NIBAN1: variants seen among roughly 807,000 people sequenced by gnomAD.
NIBAN1 encodes the protein protein Niban 1.
In NIBAN1, 81 loss-of-function variants were observed where a neutral mutation model predicts 75.1. The ratio of observed to expected loss-of-function variants is 1.08; its 90% CI spans 0.90 to 1.30. The LOEUF (loss-of-function observed/expected upper bound fraction) is 1.30. Ranked by LOEUF, NIBAN1 falls within the 50% of genes most tolerant of loss-of-function variation. The probability of loss-of-function intolerance (pLI) is 0.00; values close to 1 mark genes in which losing one functional copy is unlikely to be tolerated. For synonymous variants in NIBAN1, 436 were observed against 424.8 expected (o/e 1.03, Z -0.32); for missense variants, 1,133 against 1,128.1 (o/e 1.00, Z -0.06).
intron 5 of NIBAN1, among the ~76,000 whole-genome samples, chr1:184,843,827 A>T (rs934271318): frequency 3.3e-5 from 5 of 152,188 alleles, no homozygotes; most frequent in Non-Finnish European, 5.9e-5. Context: ...AAAAATGTGA[A>T]TTTGAAAAAG....
intron 5 of NIBAN1, among the ~76,000 whole-genome samples, chr1:184,874,318 G>A (rs989341078): frequency 6.6e-6 from 1 of 151,758 alleles, no homozygotes; most frequent in Non-Finnish European, 1.5e-5. Context: ...ACAAAAATAT[G>A]AGTAATTATA....
At chr1:184,869,696 C>T (rs893123307) in intron 5 of NIBAN1, among the ~76,000 whole-genome samples, 1 of 152,078 alleles carries the variant, frequency 6.6e-6, no homozygotes, top group Non-Finnish European at 1.5e-5. Flanking sequence ...TGTGCGCCAC[C>T]ATGCCCGGCT....
intron 1 of NIBAN1, among the ~76,000 whole-genome samples, chr1:184,927,447 A>T (rs1657710580): frequency 6.6e-6 from 1 of 152,134 alleles, no homozygotes; most frequent in African/African-American, 2.4e-5. Flanking sequence ...ATCCAGAAAA[A>T]TTTCCTGGAT....
chr1:184,805,341 C>T (rs1279453343), intron 11 of NIBAN1, among the ~76,000 whole-genome samples: 1 of 152,234 alleles, frequency 6.6e-6, no homozygotes, highest in Non-Finnish European at 1.5e-5. Context: ...TTTACAGAAT[C>T]AGTTCCTCAT....
chr1:184,876,528 T>C (rs1257281403), intron 5 of NIBAN1, among the ~76,000 whole-genome samples: 1 of 151,694 alleles, frequency 6.6e-6, no homozygotes, highest in East Asian at 2.0e-4. Context: ...TGAAACTCTG[T>C]CTCTTCTAAA....
intron 5 of NIBAN1, among the ~76,000 whole-genome samples, chr1:184,859,608 T>G (rs1310468782): frequency 6.6e-6 from 1 of 152,150 alleles, no homozygotes; most frequent in African/African-American, 2.4e-5. Context: ...GCAGAATATA[T>G]CCCACTACCT....
intron 5 of NIBAN1, among the ~76,000 whole-genome samples, chr1:184,864,520 C>T (rs559424191): frequency 1.1e-4 from 17 of 152,118 alleles, no homozygotes; most frequent in African/African-American, 3.6e-4. Flanking sequence ...GAAGCCACTT[C>T]ATTGTGAGAG....
intron 1 of NIBAN1, among the ~76,000 whole-genome samples, chr1:184,942,024 C>A (rs755805621): frequency 6.6e-6 from 1 of 152,126 alleles, no homozygotes; most frequent in Non-Finnish European, 1.5e-5. Flanking sequence ...CAGAAACTAC[C>A]TTAAGACAAT....
chr1:184,946,258 T>C (rs1043535244), intron 1 of NIBAN1, among the ~76,000 whole-genome samples: 1 of 152,302 alleles, frequency 6.6e-6, no homozygotes. Context: ...CTTCCAAGAA[T>C]AGTGATTTTC....
At chr1:184,902,633 C>T (rs1557907409) in intron 1 of NIBAN1, among the ~76,000 whole-genome samples, 1 of 152,188 alleles carries the variant, frequency 6.6e-6, no homozygotes, top group East Asian at 1.9e-4. Flanking sequence ...CTGCTGTATA[C>T]AGAAGAGCTG....
rs1049714966 is a variant in NIBAN1 at position 184,791,588 on chromosome 1, T to C, written c.*3389A>G. On this transcript the variant is annotated 3_prime_UTR_variant, in exon 14 of 14. Coordinates refer to ENST00000367511, the MANE Select transcript of NIBAN1 (RefSeq NM_052966.4). Reference sequence around the variant, plus strand: ...GGGAAAAAATGACAAGCCCAGTTTTTTTCAAGGGAAATATTTTTTCTCTGT... The same window carrying C: ...GGGAAAAAATGACAAGCCCAGTTTTCTTCAAGGGAAATATTTTTTCTCTGT... 1 of 152,166 alleles carries C rather than the reference T, an allele frequency of 6.6e-6. No homozygotes were observed. The highest frequency in any genetic ancestry group is 2.4e-5 in the African/African-American group (1 of 41,428). The allele number at this position is 152,166 out of a possible 1,614,324, so 9.4% of individuals were successfully genotyped here.
At chr1:184,868,872 C>G (rs672320) in intron 5 of NIBAN1, among the ~76,000 whole-genome samples, 1 of 151,830 alleles carries the variant, frequency 6.6e-6, no homozygotes, top group Non-Finnish European at 1.5e-5. Flanking sequence ...AAATCTTGTC[C>G]TGATCACCAG....
chr1:184,868,147 CT>C, intron 5 of NIBAN1: 1 of 658,476 alleles, frequency 1.5e-6, no homozygotes, highest in Non-Finnish European at 1.9e-6. Flanking sequence ...CAACTTCCTT[CT>C]TTTTTACCTC....
chr1:184,923,391 T>C (rs1231676327), intron 1 of NIBAN1, among the ~76,000 whole-genome samples: 4 of 152,214 alleles, frequency 2.6e-5, no homozygotes, highest in Non-Finnish European at 4.4e-5. Context: ...ATAGATTTAT[T>C]CTGGGTTCTC....
At chr1:184,921,128 C>CAA (rs59270543) in intron 1 of NIBAN1, among the ~76,000 whole-genome samples, 7 of 108,762 alleles carry the variant, frequency 6.4e-5, no homozygotes, top group Admixed American at 9.9e-5. Flanking sequence ...GGCTCTGTCT[C>CAA]AAAAAAAAAA....
chr1:184,973,221 C>T (rs1658983075), intron 1 of NIBAN1, among the ~76,000 whole-genome samples: 1 of 152,210 alleles, frequency 6.6e-6, no homozygotes, highest in African/African-American at 2.4e-5. Context: ...AGCACCAGAG[C>T]AGGAATCTGT....
intron 9 of NIBAN1, among the ~76,000 whole-genome samples, 186 bp downstream of exon 9, chr1:184,818,451 TG>T (rs1654599997): frequency 6.6e-6 from 1 of 151,890 alleles, no homozygotes; most frequent in Admixed American, 6.6e-5. Context: ...GATGGGTGGA[TG>T]GATGAATAGA....
chr1:184,793,982 C>A lies in NIBAN1; in HGVS notation c.*995G>T, dbSNP rs1400784638. ...ATTTTGTGCCCTTCTGGGAATGAAC[C>A]AGGACTATTTGAATGGAAAGAGAAA... On this transcript the variant is annotated 3_prime_UTR_variant, in exon 14 of 14. Coordinates refer to ENST00000367511, the MANE Select transcript of NIBAN1 (RefSeq NM_052966.4). 1 of 151,216 alleles carries A rather than the reference C, an allele frequency of 6.6e-6. No individual in the cohort carries two copies. Among genetic ancestry groups the A allele is most frequent in the Admixed American group, 6.6e-5 (1 of 15,186 alleles). 9.4% of individuals were successfully genotyped at this position (151,216 alleles called of 1,614,324 possible). A position where few individuals can be genotyped will look rare whatever the true frequency, so the allele number is the denominator to read the frequency against.
At chr1:184,952,276 T>C (rs924035022) in intron 1 of NIBAN1, among the ~76,000 whole-genome samples, 4 of 152,136 alleles carry the variant, frequency 2.6e-5, no homozygotes, top group African/African-American at 9.7e-5. Context: ...TGGTGGCACA[T>C]GCCTACAGTC....
Sources: gnomAD v4.1 joint callset for allele counts (sites outside exome capture counted in the v4.1 genomes callset) on GRCh38, gnomAD v4.1.1 for gene constraint, MANE v1.5 for transcripts, NCBI Gene and HGNC (gene_info 2026-07-23, HGNC 2026-07-21) for gene names.